Variants in FSIP1 observed in about 807,000 individuals in gnomAD.
The protein encoded by FSIP1 is fibrous sheath-interacting protein 1.
Under a neutral mutation model 60.9 loss-of-function variants are expected in FSIP1, and 65 were observed. That is an observed-to-expected ratio of 1.07 (90% CI 0.87 to 1.31). The LOEUF (loss-of-function observed/expected upper bound fraction) is 1.31. Ranked by LOEUF, FSIP1 falls within the 40% of genes most tolerant of loss-of-function variation. FSIP1 has a pLI of 0.00. For synonymous variants in FSIP1, 209 were observed against 221.2 expected (o/e 0.94, Z 0.49); for missense variants, 675 against 665.5 (o/e 1.01, Z -0.16).
At chr15:39,776,008 T>C (rs951194149) in intron 2 of FSIP1, among the ~76,000 whole-genome samples, 13 of 151,164 alleles carry the variant, frequency 8.6e-5, no homozygotes, top group Non-Finnish European at 1.6e-4. Flanking sequence ...GGTGGTATAT[T>C]AGATGTTGGA....
intron 8 of FSIP1, among the ~76,000 whole-genome samples, chr15:39,735,889 AG>A (rs2140626447): frequency 6.6e-6 from 1 of 152,330 alleles, no homozygotes; most frequent in East Asian, 1.9e-4. Flanking sequence ...ACACAGGGTC[AG>A]GATCATCAAT....
intron 10 of FSIP1, among the ~76,000 whole-genome samples, chr15:39,653,428 T>C (rs1892954977): frequency 6.6e-6 from 1 of 152,226 alleles, no homozygotes; most frequent in African/African-American, 2.4e-5. Flanking sequence ...AACTTTTAAA[T>C]TTTTTAAAAC....
intron 5 of FSIP1, among the ~76,000 whole-genome samples, chr15:39,757,634 C>T (rs1897341614): frequency 6.6e-6 from 1 of 151,876 alleles, no homozygotes; most frequent in East Asian, 1.9e-4. Context: ...GACTCCAAAA[C>T]ATATGTCTAT....
chr15:39,604,957 C>G (rs900442824), intron 11 of FSIP1, among the ~76,000 whole-genome samples: 6 of 152,142 alleles, frequency 3.9e-5, no homozygotes, highest in African/African-American at 1.4e-4. Flanking sequence ...CAATCTAGTT[C>G]CCTTGAAACT....
chr15:39,770,522 TTA>T lies in FSIP1; in HGVS notation c.213_214del (p.Asp71GlufsTer7), dbSNP rs1174548878. ...TATTTTCTCAGAGCAGCTTTCCTGC[TTA>T]TCATCATTACTAGTTCTTCTGTTCT... On this transcript the variant is annotated frameshift_variant, in exon 3 of 12. Coordinates refer to ENST00000350221, the MANE Select transcript of FSIP1 (RefSeq NM_152597.5). LOFTEE classifies it high-confidence loss of function. 3 of 1,611,874 alleles carry T rather than the reference TTA, an allele frequency of 1.9e-6. No homozygotes were observed. The highest frequency in any genetic ancestry group is 1.7e-6 in the Non-Finnish European group (2 of 1,179,550).
intron 10 of FSIP1, among the ~76,000 whole-genome samples, chr15:39,651,878 C>A (rs1892886256): frequency 6.6e-6 from 1 of 152,212 alleles, no homozygotes; most frequent in South Asian, 2.1e-4. Context: ...CACTACGTAT[C>A]TATCTCCCCC....
intron 5 of FSIP1, among the ~76,000 whole-genome samples, chr15:39,761,811 CATA>C (rs1398851504): frequency 6.6e-6 from 1 of 152,178 alleles, no homozygotes; most frequent in African/African-American, 2.4e-5. Flanking sequence ...ATTCATAAAT[CATA>C]ATATCATTTT....
intron 10 of FSIP1, among the ~76,000 whole-genome samples, chr15:39,643,776 A>G (rs987238544): frequency 6.6e-5 from 10 of 152,230 alleles, no homozygotes; most frequent in Admixed American, 6.5e-4. Context: ...TGCTACATCC[A>G]TAACAAAAGT....
chr15:39,716,686 C>CT (rs1566898616), intron 9 of FSIP1, among the ~76,000 whole-genome samples: 1 of 152,112 alleles, frequency 6.6e-6, no homozygotes, highest in Non-Finnish European at 1.5e-5. Context: ...TACACAGCCA[C>CT]TAGCATGGCC....
At chr15:39,770,406 A>G (rs1181297639) in intron 3 of FSIP1, 21 bp downstream of exon 3, 7 of 1,513,100 alleles carry the variant, frequency 4.6e-6, no homozygotes, top group South Asian at 3.9e-5. Flanking sequence ...TCATTAGCCA[A>G]TCACCTAGTG....
intron 11 of FSIP1, among the ~76,000 whole-genome samples, chr15:39,610,079 A>C (rs2140368854): frequency 6.6e-6 from 1 of 152,364 alleles, no homozygotes; most frequent in African/African-American, 2.4e-5. Flanking sequence ...GGGAAATGTG[A>C]CACAACAAAA....
At chr15:39,604,385 G>A (rs1037420275) in intron 11 of FSIP1, among the ~76,000 whole-genome samples, 2 of 152,192 alleles carry the variant, frequency 1.3e-5, no homozygotes, top group Non-Finnish European at 2.9e-5. Context: ...CTGATAAAGT[G>A]ATAAGGACAT....
intron 9 of FSIP1, among the ~76,000 whole-genome samples, chr15:39,716,382 G>A (rs554892797): frequency 1.3e-5 from 2 of 152,290 alleles, no homozygotes; most frequent in African/African-American, 4.8e-5. Flanking sequence ...ATTTTTAAAT[G>A]TTGCTTAATC....
intron 9 of FSIP1, among the ~76,000 whole-genome samples, chr15:39,724,254 CTTT>C (rs377351491): frequency 2.8e-5 from 4 of 141,844 alleles, no homozygotes; most frequent in Non-Finnish European, 1.5e-5. Context: ...CATATTCATA[CTTT>C]TTTTTTTTTT....
At chr15:39,625,011 G>T (rs917819680) in intron 10 of FSIP1, among the ~76,000 whole-genome samples, 2 of 152,198 alleles carry the variant, frequency 1.3e-5, no homozygotes, top group Admixed American at 1.3e-4. Flanking sequence ...CTGAAGCGAG[G>T]TCATGAACGT....
chr15:39,607,545 C>G (rs1890872082), intron 11 of FSIP1, among the ~76,000 whole-genome samples: 1 of 152,178 alleles, frequency 6.6e-6, no homozygotes, highest in South Asian at 2.1e-4. Context: ...TCAAATAATA[C>G]TGGTTACCAT....
intron 5 of FSIP1, among the ~76,000 whole-genome samples, chr15:39,750,065 T>C (rs1305881616): frequency 6.6e-6 from 1 of 151,536 alleles, no homozygotes; most frequent in East Asian, 1.9e-4. Flanking sequence ...TATGATAGCA[T>C]CAAAAAAATC....
intron 7 of FSIP1, among the ~76,000 whole-genome samples, chr15:39,738,640 G>A (rs1896698919): frequency 6.6e-6 from 1 of 152,126 alleles, no homozygotes; most frequent in Non-Finnish European, 1.5e-5. Context: ...TATTAAAAAG[G>A]GGAAAGAGAA....
chr15:39,599,378 CAGAA>C, downstream of FSIP1: 1 of 152,228 alleles, frequency 6.6e-6, no homozygotes, highest in East Asian at 1.9e-4. Context: ...ACCTAAATAA[CAGAA>C]AGGCTCACTA....
Sources: allele counts gnomAD v4.1 joint callset (sites outside exome capture counted in the v4.1 genomes callset), GRCh38; gene constraint gnomAD v4.1.1; transcripts MANE v1.5; gene names NCBI Gene and HGNC (gene_info 2026-07-23, HGNC 2026-07-21).